The following WWTR1 variants were observed in gnomAD, a reference collection of about 807,000 sequenced individuals.
WWTR1 encodes the protein WW domain containing transcription regulator 1.
WWTR1 carries 13 observed loss-of-function variants against 40.1 expected under a neutral mutation model. The ratio of observed to expected loss-of-function variants is 0.32; its 90% CI spans 0.21 to 0.52. The LOEUF is 0.52. Among genes scored for constraint, WWTR1 ranks in the 20% least tolerant of loss-of-function variants. The pLI, the probability that WWTR1 is intolerant of heterozygous loss-of-function variation, is 0.97. For synonymous variants in WWTR1, 230 were observed against 210.1 expected (o/e 1.09, Z -0.82); for missense variants, 436 against 523.1 (o/e 0.83, Z 1.63).
intron 4 of WWTR1, among the ~76,000 whole-genome samples, chr3:149,534,484 A>G (rs942771859): frequency 1.3e-5 from 2 of 152,202 alleles, no homozygotes; most frequent in Non-Finnish European, 2.9e-5. Context: ...TTAATGAAAC[A>G]GCCGATTTAA....
chr3:149,520,722 C>T lies in WWTR1; in HGVS notation c.*83G>A. 1 of 1,315,046 alleles carries T rather than the reference C, an allele frequency of 7.6e-7. No homozygotes were observed. Among genetic ancestry groups the T allele is most frequent in the Non-Finnish European group, 1.0e-6 (1 of 1,001,716 alleles). The allele number at this position is 1,315,046 out of a possible 1,614,324, so 81.5% of individuals were successfully genotyped here. On this transcript the variant is annotated 3_prime_UTR_variant, in exon 7 of 7. Transcript: ENST00000360632. ...ATGGAGGCGGGAAGTGGTGCACCTGCAGACTTGCTCTGCTCCATCACTTTT... is the reference window on the plus strand; with the variant it reads ...ATGGAGGCGGGAAGTGGTGCACCTGTAGACTTGCTCTGCTCCATCACTTTT...
intron 2 of WWTR1, among the ~76,000 whole-genome samples, chr3:149,646,579 G>A: frequency 6.6e-6 from 1 of 152,204 alleles, no homozygotes; most frequent in South Asian, 2.1e-4. Flanking sequence ...CTTCCCAGCA[G>A]TATGCCATCA....
intron 3 of WWTR1, among the ~76,000 whole-genome samples, chr3:149,569,332 T>C (rs1423331877): frequency 6.6e-6 from 1 of 152,232 alleles, no homozygotes; most frequent in African/African-American, 2.4e-5. Flanking sequence ...AAAATAATGA[T>C]AATAAACATA....
intron 3 of WWTR1, among the ~76,000 whole-genome samples, chr3:149,560,158 G>A (rs79194451): frequency 2.3e-3 from 351 of 152,348 alleles, no homozygotes; most frequent in Non-Finnish European, 3.6e-3. Flanking sequence ...AAGAGTGGAG[G>A]ATGGAGAAGG....
intron 4 of WWTR1, among the ~76,000 whole-genome samples, chr3:149,541,777 A>T (rs548203980): frequency 4.3e-4 from 66 of 152,126 alleles, no homozygotes; most frequent in South Asian, 2.1e-4. Flanking sequence ...AGATCGCCAC[A>T]CCATAGATCC....
chr3:149,602,752 C>T (rs904043993), intron 2 of WWTR1, among the ~76,000 whole-genome samples: 20 of 152,308 alleles, frequency 1.3e-4, no homozygotes, highest in Non-Finnish European at 5.9e-5. Context: ...GCAACCTCTG[C>T]TGTCCAGTTT....
intron 2 of WWTR1, among the ~76,000 whole-genome samples, chr3:149,606,553 C>G (rs144353892): frequency 6.6e-6 from 1 of 152,026 alleles, no homozygotes; most frequent in African/African-American, 2.4e-5. Context: ...CTAAATTACA[C>G]GAATAATAGC....
intron 1 of WWTR1, 61 bp from the exon 2 acceptor site, chr3:149,657,370 T>A (rs1713308800): frequency 6.6e-7 from 1 of 1,515,402 alleles, no homozygotes; most frequent in East Asian, 2.4e-5. Flanking sequence ...GTAAGAGGGT[T>A]ACAGGGTGAG....
chr3:149,673,633 T>G (rs1714164327), intron 1 of WWTR1, among the ~76,000 whole-genome samples: 1 of 152,140 alleles, frequency 6.6e-6, no homozygotes, highest in Non-Finnish European at 1.5e-5. Flanking sequence ...TAATGGCCCC[T>G]CCTAGGTTTT....
At chr3:149,686,537 C>CTA (rs777995906) in intron 1 of WWTR1, among the ~76,000 whole-genome samples, 2 of 151,828 alleles carry the variant, frequency 1.3e-5, no homozygotes, top group Non-Finnish European at 2.9e-5. Flanking sequence ...CCATCTCTCT[C>CTA]TATATATATA....
chr3:149,642,228 C>A (rs1712211759), intron 2 of WWTR1, among the ~76,000 whole-genome samples: 1 of 151,270 alleles, frequency 6.6e-6, no homozygotes, highest in South Asian at 2.1e-4. Context: ...CAAGACCAGC[C>A]TGATCAACAG....
intron 2 of WWTR1, chr3:149,575,941 C>A (rs752317034): frequency 6.6e-6 from 3 of 456,208 alleles, no homozygotes; most frequent in African/African-American, 2.0e-5. Context: ...GCAGTGGGAG[C>A]CTCCACGGCC....
intron 3 of WWTR1, among the ~76,000 whole-genome samples, chr3:149,568,150 C>G (rs999982855): frequency 2.0e-5 from 3 of 152,188 alleles, no homozygotes; most frequent in African/African-American, 7.2e-5. Context: ...CTTTGGGAGG[C>G]TGAGATGGGC....
chr3:149,673,768 G>A (rs374854033), intron 1 of WWTR1, among the ~76,000 whole-genome samples: 3 of 152,174 alleles, frequency 2.0e-5, no homozygotes, highest in African/African-American at 7.2e-5. Context: ...ACAATAACCA[G>A]AGAGGCCAGG....
At chr3:149,613,175 C>T (rs540153328) in intron 2 of WWTR1, among the ~76,000 whole-genome samples, 21 of 152,138 alleles carry the variant, frequency 1.4e-4, no homozygotes, top group Non-Finnish European at 2.6e-4. Context: ...TTCCCAACAC[C>T]CACCTCTTAA....
chr3:149,713,601 G>A lies in WWTR1; in HGVS notation n.584+3841C>T, dbSNP rs182635779. 7.6e-3 allele frequency among the ~76,000 whole-genome samples: 1,154 copies of A among 152,170 alleles called. 10 individuals carry two copies. Among genetic ancestry groups the A allele is most frequent in the Admixed American group, 0.014 (213 of 15,284 alleles). On this transcript the variant is annotated intron_variant and non_coding_transcript_variant, in intron 5 of 6. Coordinates refer to the WWTR1 transcript ENST00000474080. ...TCGCCATGTTGGCCAGGCTGGTCTC[G>A]AACTCCTGACCTCAGGTGCTCCACC...
intron 1 of WWTR1, among the ~76,000 whole-genome samples, chr3:149,688,577 G>A (rs555806621): frequency 7.2e-5 from 11 of 152,312 alleles, no homozygotes; most frequent in African/African-American, 2.2e-4. Flanking sequence ...TGGGATTGGG[G>A]TGCCTCCTAA....
chr3:149,527,196 C>T (rs915825089), intron 5 of WWTR1, among the ~76,000 whole-genome samples: 92 of 149,392 alleles, frequency 6.2e-4, no homozygotes, highest in African/African-American at 2.0e-3. Flanking sequence ...CTCTTGTTGC[C>T]AAGGCTGGAG....
chr3:149,686,745 CT>C (rs1714669082), intron 1 of WWTR1, among the ~76,000 whole-genome samples: 1 of 152,144 alleles, frequency 6.6e-6, no homozygotes, highest in Non-Finnish European at 1.5e-5. Flanking sequence ...TAGATAAATA[CT>C]AAGCAGGCAC....
Sources: allele counts gnomAD v4.1 joint callset (sites outside exome capture counted in the v4.1 genomes callset), GRCh38; gene constraint gnomAD v4.1.1; transcripts MANE v1.5; gene names NCBI Gene and HGNC (gene_info 2026-07-23, HGNC 2026-07-21).